Variants in SH3RF3 observed in about 807,000 individuals in gnomAD.
SH3RF3 encodes the protein SH3 domain containing ring finger 3.
In SH3RF3, 29 loss-of-function variants were observed where a neutral mutation model predicts 66.3. That is an observed-to-expected ratio of 0.44 (90% confidence interval 0.33 to 0.60). The LOEUF (loss-of-function observed/expected upper bound fraction) is 0.60. Ranked by LOEUF, SH3RF3 falls within the 20% of genes least tolerant of loss-of-function variation. The pLI, the probability that SH3RF3 is intolerant of heterozygous loss-of-function variation, is 0.04. For synonymous variants in SH3RF3, 583 were observed against 532.0 expected (o/e 1.10, Z -1.32); for missense variants, 1,194 against 1,190.9 (o/e 1.00, Z -0.04).
chr2:109,336,243 G>C (rs547172214), intron 1 of SH3RF3, among the ~76,000 whole-genome samples: 1 of 152,346 alleles, frequency 6.6e-6, no homozygotes, highest in African/African-American at 2.4e-5. Flanking sequence ...GGGAAGAGGT[G>C]TCATGCTGGG....
chr2:109,202,741 G>T (rs1403448864), intron 1 of SH3RF3, among the ~76,000 whole-genome samples: 1 of 152,174 alleles, frequency 6.6e-6, no homozygotes, highest in Non-Finnish European at 1.5e-5. Context: ...TTCCCGTGGG[G>T]CTGTCGACAG....
chr2:109,306,922 G>A (rs1681611619), intron 1 of SH3RF3, among the ~76,000 whole-genome samples: 1 of 152,252 alleles, frequency 6.6e-6, no homozygotes, highest in Non-Finnish European at 1.5e-5. Context: ...GCATGCCCGT[G>A]TGGATGGCTG....
At chr2:109,416,810 T>G (rs1203513333) in intron 4 of SH3RF3, among the ~76,000 whole-genome samples, 5 of 149,852 alleles carry the variant, frequency 3.3e-5, no homozygotes, top group African/African-American at 1.2e-4. Flanking sequence ...GGAGGCTAAG[T>G]CGGGAGAATC....
intron 8 of SH3RF3, among the ~76,000 whole-genome samples, chr2:109,477,704 A>G (rs546380467): frequency 4.6e-5 from 7 of 152,230 alleles, no homozygotes; most frequent in African/African-American, 1.7e-4. Flanking sequence ...GAAGTCTGAG[A>G]TCCAGACACC....
intron 1 of SH3RF3, among the ~76,000 whole-genome samples, chr2:109,331,105 C>G (rs1682271831): frequency 6.6e-6 from 1 of 152,222 alleles, no homozygotes; most frequent in Non-Finnish European, 1.5e-5. Flanking sequence ...AGAAGCTCTT[C>G]CAAGATGGCC....
At chr2:109,434,223 C>T (rs1384415306) in intron 6 of SH3RF3, among the ~76,000 whole-genome samples, 2 of 152,230 alleles carry the variant, frequency 1.3e-5, no homozygotes, top group Non-Finnish European at 2.9e-5. Context: ...GGTGTCCACA[C>T]CTCTGGGCTC....
At chr2:109,378,797 T>A (rs1683447338) in intron 3 of SH3RF3, among the ~76,000 whole-genome samples, 1 of 152,192 alleles carries the variant, frequency 6.6e-6, no homozygotes, top group South Asian at 2.1e-4. Flanking sequence ...TGAAAACTAT[T>A]CCTGGCTTTA....
chr2:109,307,387 G>A (rs1228631946), intron 1 of SH3RF3, among the ~76,000 whole-genome samples: 1 of 151,974 alleles, frequency 6.6e-6, no homozygotes, highest in East Asian at 1.9e-4. Flanking sequence ...CTGCATCCAT[G>A]CTCTGGGCGG....
At position 109,497,891 on chromosome 2, in the gene SH3RF3, C is replaced by T. The variant is rs372758120; in HGVS notation, c.2481-3612C>T. On this transcript the variant is annotated intron_variant, in intron 9 of 9. Coordinates refer to ENST00000309415, the MANE Select transcript of SH3RF3 (RefSeq NM_001099289.3). ...GCATTCAAAGTCTGAGAAATCATCT[C>T]GCCCTTTGCCTTCCTTTCTTTCCTT... 2.2e-4 allele frequency among the ~76,000 whole-genome samples: 34 copies of T among 152,376 alleles called. No homozygotes were observed. The South Asian group carries it at 6.2e-3, about 28-fold the overall frequency.
intron 1 of SH3RF3, among the ~76,000 whole-genome samples, chr2:109,224,863 A>C (rs556651994): frequency 6.6e-6 from 1 of 151,984 alleles, no homozygotes; most frequent in African/African-American, 2.4e-5. Flanking sequence ...TCTCAAAAAA[A>C]TTTTTTTTCA....
At chr2:109,374,286 T>G (rs1224499061) in intron 3 of SH3RF3, among the ~76,000 whole-genome samples, 4 of 152,250 alleles carry the variant, frequency 2.6e-5, no homozygotes, top group African/African-American at 9.6e-5. Context: ...GCCCATGCAG[T>G]ACTGGGCTCC....
intron 1 of SH3RF3, among the ~76,000 whole-genome samples, chr2:109,239,960 T>TG (rs1679740474): frequency 6.6e-6 from 1 of 152,302 alleles, no homozygotes; most frequent in African/African-American, 2.4e-5. Flanking sequence ...CTAGTTGTAG[T>TG]GGGGCTTGCA....
intron 4 of SH3RF3, 72 bp from the exon 5 acceptor site, chr2:109,419,467 C>G: frequency 6.8e-7 from 1 of 1,466,104 alleles, no homozygotes; most frequent in Non-Finnish European, 9.3e-7. Flanking sequence ...GATGCAGCCT[C>G]ATTTTGCTTT....
intron 1 of SH3RF3, among the ~76,000 whole-genome samples, chr2:109,270,052 G>T (rs1406450728): frequency 1.3e-5 from 2 of 152,354 alleles, no homozygotes; most frequent in East Asian, 3.9e-4. Context: ...GAAGCTGAAG[G>T]AAGCAGGATG....
intron 3 of SH3RF3, among the ~76,000 whole-genome samples, chr2:109,376,195 C>T (rs1683379107): frequency 6.6e-6 from 1 of 152,274 alleles, no homozygotes; most frequent in Admixed American, 6.5e-5. Context: ...GCACTGAACA[C>T]ATTTGGCCTG....
At chr2:109,224,695 T>C (rs981324582) in intron 1 of SH3RF3, among the ~76,000 whole-genome samples, 4 of 152,108 alleles carry the variant, frequency 2.6e-5, no homozygotes, top group Non-Finnish European at 5.9e-5. Flanking sequence ...CCGTCTCTAC[T>C]AAAATACAAA....
intron 1 of SH3RF3, among the ~76,000 whole-genome samples, chr2:109,211,570 C>T (rs1400199430): frequency 1.3e-5 from 2 of 152,024 alleles, no homozygotes; most frequent in East Asian, 1.9e-4. Context: ...CAGGCAGCTA[C>T]GTGCTGGAGA....
intron 5 of SH3RF3, among the ~76,000 whole-genome samples, chr2:109,421,118 G>A (rs937380069): frequency 6.6e-6 from 1 of 152,252 alleles, no homozygotes; most frequent in Admixed American, 6.5e-5. Context: ...ACATGGAAAA[G>A]TGGGGGGTGA....
chr2:109,348,980 C>T (rs1295637488), intron 2 of SH3RF3, among the ~76,000 whole-genome samples: 1 of 152,218 alleles, frequency 6.6e-6, no homozygotes, highest in Non-Finnish European at 1.5e-5. Flanking sequence ...TCTCTCTCCT[C>T]ACTCGTTCTG....
Sources: allele counts gnomAD v4.1 joint callset (sites outside exome capture counted in the v4.1 genomes callset), GRCh38; gene constraint gnomAD v4.1.1; transcripts MANE v1.5; gene names NCBI Gene and HGNC (gene_info 2026-07-23, HGNC 2026-07-21).